The following CNTNAP4 variants were observed in gnomAD, a reference collection of about 807,000 sequenced individuals.
CNTNAP4 encodes the protein contactin-associated protein-like 4.
A neutral mutation model predicts 148.4 loss-of-function variants in CNTNAP4; 98 were observed. That is an observed-to-expected ratio of 0.66 (90% CI 0.56 to 0.78). The LOEUF is 0.78. CNTNAP4 is among the 30% of genes least tolerant of loss of function. The pLI is 0.00. For missense variants in CNTNAP4, 1,935 were observed against 1,565.6 expected, an observed-to-expected ratio of 1.24 and a Z score of -3.98; for synonymous variants, 730 against 565.1, an observed-to-expected ratio of 1.29 and a Z score of -4.14.
Position 76,521,324 on chromosome 16 carries a change from T to C in CNTNAP4, c.2536+14T>C. On this transcript the variant is annotated intron_variant, in intron 16 of 23. Transcript: ENST00000611870. ...TAGAGCTTCGCTGTAAGTCTCCTTT[T>C]CCAGAGAAGTGTATGAGATTCTATC... 2 of 1,589,694 alleles carry C rather than the reference T, an allele frequency of 1.3e-6. No individual in the cohort carries two copies. The highest frequency in any genetic ancestry group is 1.7e-6 in the Non-Finnish European group (2 of 1,170,240).
intron 9 of CNTNAP4, among the ~76,000 whole-genome samples, chr16:76,465,040 C>A (rs1427489443): frequency 6.6e-6 from 1 of 152,168 alleles, no homozygotes; most frequent in Non-Finnish European, 1.5e-5. Flanking sequence ...CATCCCCCTC[C>A]CTTGTGTAAA....
At chr16:76,414,331 A>T (rs1217059482) in intron 3 of CNTNAP4, among the ~76,000 whole-genome samples, 1 of 151,446 alleles carries the variant, frequency 6.6e-6, no homozygotes, top group African/African-American at 2.4e-5. Flanking sequence ...ACATTGAATG[A>T]CTTTTAAATA....
chr16:76,455,339 C>A (rs1427411280), intron 8 of CNTNAP4, among the ~76,000 whole-genome samples: 2 of 152,118 alleles, frequency 1.3e-5, no homozygotes, highest in African/African-American at 4.8e-5. Context: ...GCCTCTTGTC[C>A]CCATGGGCAG....
chr16:76,461,848 AGAGTT>A (rs1370143747), intron 8 of CNTNAP4, 103 bp from the exon 9 acceptor site: 2 of 805,178 alleles, frequency 2.5e-6, no homozygotes, highest in Admixed American at 2.5e-5. Flanking sequence ...AATTAATAAT[AGAGTT>A]AAGTACTGTA....
At chr16:76,397,112 G>A (rs986935889) in intron 3 of CNTNAP4, among the ~76,000 whole-genome samples, 1 of 151,846 alleles carries the variant, frequency 6.6e-6, no homozygotes, top group Non-Finnish European at 1.5e-5. Context: ...AAAGACCCAG[G>A]GGCCTACAAG....
In CNTNAP4 at chr16:76,376,811, C is replaced by G. The variant is rs144298955; in HGVS notation, c.390+21300C>G. Among the ~76,000 whole-genome samples the G allele has an allele frequency of 4.4e-3, 663 of 152,010 alleles. 2 individuals carry two copies. Among genetic ancestry groups the G allele is most frequent in the Non-Finnish European group, 7.5e-3 (509 of 67,994 alleles). On this transcript the variant is annotated intron_variant, in intron 3 of 23. Transcript: ENST00000611870. The stretch of plus-strand genomic sequence containing the variant: ...TGGAGGAAGAGAAGTACCATGGAGT[C>G]AGAACCATGTAGAAAAGGAAGTGAA...
intron 3 of CNTNAP4, among the ~76,000 whole-genome samples, chr16:76,390,575 A>T (rs1277624068): frequency 2.6e-5 from 1 of 38,112 alleles, no homozygotes; most frequent in Non-Finnish European, 5.4e-5. Context: ...AATAACAGGT[A>T]AAAAAAAAAA....
intron 3 of CNTNAP4, among the ~76,000 whole-genome samples, chr16:76,363,142 A>G (rs140934865): frequency 1.3e-5 from 2 of 151,270 alleles, no homozygotes; most frequent in East Asian, 1.9e-4. Context: ...ATGCAAAACA[A>G]TGAAATTAAA....
intron 3 of CNTNAP4, among the ~76,000 whole-genome samples, chr16:76,418,983 T>G (rs547404260): frequency 1.3e-5 from 2 of 152,140 alleles, no homozygotes; most frequent in South Asian, 4.1e-4. Flanking sequence ...CTTTGTTTTT[T>G]AAGTCTTTCA....
chr16:76,288,865 G>T (rs1293760461), intron 1 of CNTNAP4, among the ~76,000 whole-genome samples: 1 of 152,016 alleles, frequency 6.6e-6, no homozygotes, highest in Non-Finnish European at 1.5e-5. Flanking sequence ...TTATTTTGGT[G>T]ATTTAAACGT....
chr16:76,552,331 C>T (rs997728998), intron 21 of CNTNAP4, among the ~76,000 whole-genome samples: 5 of 152,090 alleles, frequency 3.3e-5, no homozygotes, highest in Admixed American at 2.0e-4. Context: ...GGACACAGAG[C>T]CAAACCATAT....
intron 3 of CNTNAP4, among the ~76,000 whole-genome samples, chr16:76,364,730 ACTTTGC>A (rs2013895581): frequency 6.6e-6 from 1 of 152,076 alleles, no homozygotes; most frequent in Non-Finnish European, 1.5e-5. Context: ...CTTCCCATTC[ACTTTGC>A]TAATTTTCCA....
intron 2 of CNTNAP4, among the ~76,000 whole-genome samples, chr16:76,321,182 T>C (rs1014328010): frequency 6.6e-5 from 10 of 152,358 alleles, no homozygotes; most frequent in Middle Eastern, 3.4e-3. Flanking sequence ...CCAATACCTA[T>C]AGAATTTGAT....
chr16:76,558,742 C>T lies in CNTNAP4; in HGVS notation c.*59C>T. ...GTTTGTTTTAATAGCCAGGGGTTCTCAATGGAAAAACGAATGCTCTTACAC... is the reference window on the plus strand; with the variant it reads ...GTTTGTTTTAATAGCCAGGGGTTCTTAATGGAAAAACGAATGCTCTTACAC... On this transcript the variant is annotated 3_prime_UTR_variant, in exon 24 of 24. Coordinates refer to ENST00000611870, the MANE Select transcript of CNTNAP4 (RefSeq NM_033401.5). The T allele has an allele frequency of 1.5e-6, 2 of 1,304,306 alleles. No individual in the cohort carries two copies. Among genetic ancestry groups the T allele is most frequent in the South Asian group, 1.4e-5 (1 of 69,874 alleles). The allele number at this position is 1,304,306 out of a possible 1,614,324, so 80.8% of individuals were successfully genotyped here.
intron 21 of CNTNAP4, among the ~76,000 whole-genome samples, chr16:76,550,118 G>A (rs1314610475): frequency 6.6e-6 from 1 of 150,444 alleles, no homozygotes; most frequent in Non-Finnish European, 1.5e-5. Context: ...GAATAGGGCT[G>A]CAAAAAATGT....
At chr16:76,464,922 A>G (rs2081122787) in intron 9 of CNTNAP4, among the ~76,000 whole-genome samples, 1 of 152,140 alleles carries the variant, frequency 6.6e-6, no homozygotes, top group Admixed American at 6.6e-5. Flanking sequence ...GATTCTCTAG[A>G]TTGAGAATGG....
At chr16:76,479,307 T>G (rs2081718472) in intron 11 of CNTNAP4, 112 bp from the exon 12 acceptor site, 2 of 861,036 alleles carry the variant, frequency 2.3e-6, no homozygotes, top group Non-Finnish European at 3.3e-6. Context: ...CCTTTTCTCC[T>G]GGTCAGTAAT....
intron 2 of CNTNAP4, among the ~76,000 whole-genome samples, chr16:76,342,006 C>T (rs1033704611): frequency 3.9e-5 from 6 of 152,144 alleles, no homozygotes; most frequent in African/African-American, 1.2e-4. Context: ...TGAGTTTTCT[C>T]TCAGTTCATT....
intron 2 of CNTNAP4, among the ~76,000 whole-genome samples, chr16:76,346,298 C>T (rs1336497174): frequency 6.6e-6 from 1 of 151,806 alleles, no homozygotes; most frequent in African/African-American, 2.4e-5. Context: ...CCTAGTAATG[C>T]CGGCTTTTCT....
Sources: allele counts gnomAD v4.1 joint callset (sites outside exome capture counted in the v4.1 genomes callset), GRCh38; gene constraint gnomAD v4.1.1; transcripts MANE v1.5; gene names NCBI Gene and HGNC (gene_info 2026-07-23, HGNC 2026-07-21).